Variants in VNN1 observed in about 807,000 individuals in gnomAD.
VNN1 encodes the protein vanin 1.
In VNN1, 29 loss-of-function variants were observed where a neutral mutation model predicts 41.9. The ratio of observed to expected loss-of-function variants is 0.69; its 90% CI spans 0.52 to 0.94. The LOEUF is 0.94. VNN1 is among the 40% of genes least tolerant of loss of function. The pLI, the probability that VNN1 is intolerant of heterozygous loss-of-function variation, is 0.00. For missense variants in VNN1, 637 were observed against 621.1 expected (o/e 1.03, Z -0.27); for synonymous variants, 233 against 224.4 (o/e 1.04, Z -0.34).
In VNN1 at chr6:132,697,098, C is replaced by T. The variant is rs527487864; in HGVS notation, c.342-2916G>A. Among the ~76,000 whole-genome samples, 403 of 147,800 alleles carry T rather than the reference C, an allele frequency of 2.7e-3. 1 individual carries two copies. Among genetic ancestry groups the T allele is most frequent in the Admixed American group, 6.1e-3 (89 of 14,564 alleles). On this transcript the variant is annotated intron_variant, in intron 2 of 6. Coordinates refer to ENST00000367928, the MANE Select transcript of VNN1 (RefSeq NM_004666.3). ...CCAGCCTGGGTGACAGAGTGAGACTCTGTCTCAAAAAAATAAAAAGTTTAA... is the reference window on the plus strand; with the variant it reads ...CCAGCCTGGGTGACAGAGTGAGACTTTGTCTCAAAAAAATAAAAAGTTTAA...
intron 2 of VNN1, among the ~76,000 whole-genome samples, chr6:132,700,002 T>A (rs1269484351): frequency 6.6e-6 from 1 of 152,212 alleles, no homozygotes; most frequent in Non-Finnish European, 1.5e-5. Flanking sequence ...TCTTGCTGTG[T>A]GTAGACCCAT....
In VNN1 at chr6:132,681,491, T is replaced by C. The variant is rs367866200; in HGVS notation, c.*1649A>G. On this transcript the variant is annotated 3_prime_UTR_variant, in exon 7 of 7. Coordinates refer to ENST00000367928, the MANE Select transcript of VNN1 (RefSeq NM_004666.3). ...CTCAGAAATGCTATAAGATAATAAA[T>C]GTTTGTTGTTTTAAGATAATAGTTT... 1.8e-4 allele frequency: 28 copies of C among 152,268 alleles called. No homozygotes were observed. The highest frequency in any genetic ancestry group is 6.3e-4 in the African/African-American group (26 of 41,550). The allele number at this position is 152,268 out of a possible 1,614,324, so 9.4% of individuals were successfully genotyped here. A position where few individuals can be genotyped will look rare whatever the true frequency, so the allele number is the denominator to read the frequency against.
intron 5 of VNN1, among the ~76,000 whole-genome samples, chr6:132,688,237 A>G (rs1030657691): frequency 6.6e-6 from 1 of 152,114 alleles, no homozygotes; most frequent in Non-Finnish European, 1.5e-5. Flanking sequence ...AGGCTATAAC[A>G]TTTTTATTCA....
intron 2 of VNN1, chr6:132,699,215 T>C: frequency 3.0e-6 from 1 of 337,296 alleles, no homozygotes; most frequent in Non-Finnish European, 5.9e-6. Flanking sequence ...GAAGTTGTAA[T>C]GTAAAGTGAA....
intron 1 of VNN1, among the ~76,000 whole-genome samples, chr6:132,713,278 T>A (rs1481951634): frequency 6.6e-6 from 1 of 152,252 alleles, no homozygotes; most frequent in Non-Finnish European, 1.5e-5. Context: ...ATTTATACTG[T>A]ATGATTAACT....
At chr6:132,709,005 T>C (rs749028692) in intron 2 of VNN1, among the ~76,000 whole-genome samples, 24 of 152,300 alleles carry the variant, frequency 1.6e-4, no homozygotes, top group Admixed American at 7.2e-4. Context: ...ACATGATCTA[T>C]TGCCTCATTT....
At chr6:132,701,606 A>G (rs936392236) in intron 2 of VNN1, among the ~76,000 whole-genome samples, 1 of 152,202 alleles carries the variant, frequency 6.6e-6, no homozygotes, top group Non-Finnish European at 1.5e-5. Flanking sequence ...AAGATGGCCA[A>G]ATAGAACCTT....
intron 2 of VNN1, among the ~76,000 whole-genome samples, chr6:132,700,838 C>A (rs1328274576): frequency 2.0e-5 from 3 of 152,050 alleles, no homozygotes; most frequent in Non-Finnish European, 4.4e-5. Context: ...GGGTTTTTTT[C>A]TGTTTGTTTC....
At position 132,693,026 on chromosome 6, in the gene VNN1, G is replaced by C. The variant is rs150364189; in HGVS notation, c.824C>G (p.Thr275Arg). Reference sequence around the variant, plus strand: ...ATATCTTTAAGATCACACATTACCTGTCATTTTCTTTGAGGGGTAATGTAT... The same window carrying C: ...ATATCTTTAAGATCACACATTACCTCTCATTTTCTTTGAGGGGTAATGTAT... The part of the protein sequence containing the change: ...SNIHYPSKKM[T>R]GSGIYAPNSS... The change falls in exon 4 of 7, where the codon ACA becomes AGA. Residue 275 changes from threonine (T) to arginine (R), a missense_variant and splice_region_variant. Coordinates refer to ENST00000367928, the MANE Select transcript of VNN1 (RefSeq NM_004666.3). 7 of 1,600,332 alleles carry C rather than the reference G, an allele frequency of 4.4e-6. No individual in the cohort carries two copies. In the African/African-American group the frequency reaches 9.4e-5, roughly 21 times the overall value.
intron 1 of VNN1, among the ~76,000 whole-genome samples, chr6:132,713,059 C>T (rs1053977717): frequency 2.6e-5 from 4 of 152,056 alleles, no homozygotes; most frequent in East Asian, 1.9e-4. Flanking sequence ...CACCTGAGCC[C>T]GGGAAGTCAA....
At chr6:132,684,657 A>C (rs1389942180) in intron 5 of VNN1, 152 bp from the exon 6 acceptor site, 1 of 573,028 alleles carries the variant, frequency 1.7e-6, no homozygotes, top group African/African-American at 1.9e-5. Flanking sequence ...ATGACAATAA[A>C]GCTAGGATAA....
intron 6 of VNN1, among the ~76,000 whole-genome samples, 178 bp from the exon 7 acceptor site, chr6:132,683,500 G>A (rs573543763): frequency 2.6e-5 from 4 of 152,290 alleles, no homozygotes; most frequent in East Asian, 3.9e-4. Flanking sequence ...AACTGGCACT[G>A]ATTCATTTAT....
chr6:132,691,217 T>C (rs1216053956), intron 5 of VNN1, among the ~76,000 whole-genome samples: 1 of 152,088 alleles, frequency 6.6e-6, no homozygotes, highest in Non-Finnish European at 1.5e-5. Flanking sequence ...CAGTGAAGAA[T>C]TTTAAGCCAG....
At chr6:132,696,509 C>A (rs1192748498) in intron 2 of VNN1, among the ~76,000 whole-genome samples, 1 of 152,126 alleles carries the variant, frequency 6.6e-6, no homozygotes, top group East Asian at 1.9e-4. Context: ...CTAAGACACA[C>A]TATAATCAAA....
chr6:132,684,250 T>C (rs1778173340), intron 6 of VNN1, 85 bp downstream of exon 6: 2 of 1,353,192 alleles, frequency 1.5e-6, no homozygotes, highest in Non-Finnish European at 2.0e-6. Context: ...AATTTTATGA[T>C]ATTTGTAAGC....
At chr6:132,713,780 C>T in intron 1 of VNN1, 46 bp downstream of exon 1, 1 of 1,596,694 alleles carries the variant, frequency 6.3e-7, no homozygotes. Context: ...GGACCCCCTC[C>T]TTTCTCATAG....
chr6:132,710,111 C>G (rs965397646), intron 2 of VNN1, among the ~76,000 whole-genome samples: 3 of 152,048 alleles, frequency 2.0e-5, no homozygotes, highest in Non-Finnish European at 4.4e-5. Context: ...TGCAGTGTCA[C>G]TCTCTTGGCT....
At chr6:132,701,807 G>T (rs1778452472) in intron 2 of VNN1, among the ~76,000 whole-genome samples, 2 of 152,216 alleles carry the variant, frequency 1.3e-5, no homozygotes, top group African/African-American at 4.8e-5. Flanking sequence ...CATCCTCCAG[G>T]TTACCACATG....
chr6:132,699,831 G>A (rs1432239193), intron 2 of VNN1, among the ~76,000 whole-genome samples: 3 of 152,128 alleles, frequency 2.0e-5, no homozygotes, highest in Non-Finnish European at 4.4e-5. Flanking sequence ...AATATTTGAA[G>A]GCATTTACTA....
Sources: gnomAD v4.1 joint callset for allele counts (sites outside exome capture counted in the v4.1 genomes callset) on GRCh38, gnomAD v4.1.1 for gene constraint, MANE v1.5 for transcripts, NCBI Gene and HGNC (gene_info 2026-07-23, HGNC 2026-07-21) for gene names.